Variants in ASB14 observed in about 807,000 individuals in gnomAD.
ASB14 encodes ankyrin repeat and SOCS box containing 14.
Under a neutral mutation model 55.6 loss-of-function variants are expected in ASB14, and 63 were observed. The observed-to-expected ratio is 1.13, with a 90% confidence interval of 0.92 to 1.40. The LOEUF is 1.40. Ranked by LOEUF, ASB14 falls within the 40% of genes most tolerant of loss-of-function variation. The probability of loss-of-function intolerance (pLI) is 0.00; values close to 1 mark genes in which losing one functional copy is unlikely to be tolerated. For missense variants in ASB14, 724 were observed against 710.4 expected (o/e 1.02, Z -0.22); for synonymous variants, 256 against 259.9 (o/e 0.98, Z 0.15).
At position 57,278,770 on chromosome 3, in the gene ASB14, C is replaced by T; in HGVS notation, c.1038G>A (p.Gln346=). 1.2e-6 allele frequency: 2 copies of T among 1,613,476 alleles called. No individual in the cohort carries two copies. The highest frequency in any genetic ancestry group is 1.7e-6 in the Non-Finnish European group (2 of 1,179,692). Residue 346 remains glutamine (Q), a synonymous_variant, in exon 8 of 11, where the codon CAG becomes CAA. Coordinates refer to ENST00000487349, the MANE Select transcript of ASB14 (RefSeq NM_001142733.3). ...AGFDVNFMLD[Q]RINKHYDDHR... ...GGTCATCGTAGTGTTTGTTAATTCT[C>T]TGATCCAGCATGAAGTTCACATCAA... is the stretch of plus-strand genomic sequence containing the variant.
Position 57,289,070 on chromosome 3 carries a change from TTC to T in ASB14, c.174_175del (p.Lys59ArgfsTer2), listed in dbSNP as rs772023558. 5.9e-6 allele frequency: 9 copies of T among 1,522,704 alleles called. No homozygotes were observed. In the South Asian group the frequency reaches 1.1e-4, roughly 18 times the overall value. The allele number at this position is 1,522,704 out of a possible 1,614,324, so 94.3% of individuals were successfully genotyped here. ...TTAAAGGGGATAGGAGTACTTAACT[TTC>T]TCTATTGTTTCAACTATCTTCTTAT... On this transcript the variant is annotated frameshift_variant, in exon 3 of 11. Coordinates refer to ENST00000487349, the MANE Select transcript of ASB14 (RefSeq NM_001142733.3). LOFTEE classifies it high-confidence loss of function.
chr3:57,269,739 G>A (rs1382663114), intron 10 of ASB14, 121 bp from the exon 11 acceptor site: 5 of 1,576,598 alleles, frequency 3.2e-6, no homozygotes, highest in Middle Eastern at 1.7e-4. Context: ...TTTCTATGGT[G>A]AAATGGCAGA....
chr3:57,280,465 C>T lies in ASB14; in HGVS notation c.724G>A (p.Ala242Thr), dbSNP rs1425418242. ...MEMLLRKGAN[A>T]HGQASDSSSI... is the part of the protein sequence containing the mutation. ...GAAGAATCAGAGGCCTGACCATGAG[C>T]ATTAGCTCCTAAGAGGAGAAAGACT... Residue 242 changes from alanine (A) to threonine (T), a missense_variant, in exon 7 of 11, where the codon GCT (alanine) becomes ACT (threonine). By Grantham distance (58) the Ala-to-Thr change is moderately conservative (BLOSUM62 0). Transcript: ENST00000487349. 7.1e-6 allele frequency: 11 copies of T among 1,550,184 alleles called. No homozygotes were observed. Among genetic ancestry groups the T allele is most frequent in the Non-Finnish European group, 9.6e-6 (11 of 1,145,940 alleles).
chr3:57,284,135 A>AAG (rs2061062308), intron 5 of ASB14, among the ~76,000 whole-genome samples: 1 of 66,706 alleles, frequency 1.5e-5, no homozygotes, highest in African/African-American at 5.6e-5. Flanking sequence ...TATGTATGTA[A>AAG]ATATATATAT....
chr3:57,291,805 G>A, intron 2 of ASB14, 107 bp downstream of exon 2: 1 of 948,284 alleles, frequency 1.1e-6, no homozygotes, highest in South Asian at 2.2e-5. Flanking sequence ...CAGCTCCTTG[G>A]ATTCTGACCC....
chr3:57,292,006 T>C lies in ASB14; in HGVS notation c.28A>G (p.Ile10Val), dbSNP rs984545084. ...AGCTGGGTGTCAAAGTCTTCATCTATGTCTTCATCGCTGGTGTAATTATCC... is the reference window on the plus strand; with the variant it reads ...AGCTGGGTGTCAAAGTCTTCATCTACGTCTTCATCGCTGGTGTAATTATCC... MDNYTSDED[I>V]DEDFDTQLII... Residue 10 changes from isoleucine to valine, a missense_variant, in exon 2 of 11, where the codon ATA becomes GTA. Transcript: ENST00000487349. 4 of 1,534,046 alleles carry C rather than the reference T, an allele frequency of 2.6e-6. No homozygotes were observed. The highest frequency in any genetic ancestry group is 1.7e-4 in the Middle Eastern group (1 of 5,974).
intron 2 of ASB14, among the ~76,000 whole-genome samples, chr3:57,289,684 A>ATTTT (rs1414516824): frequency 9.4e-6 from 1 of 106,156 alleles, no homozygotes; most frequent in African/African-American, 3.3e-5. Context: ...GTCACCTTCC[A>ATTTT]TTCTTTTTTT....
At chr3:57,270,688 T>G (rs1185590185) in intron 10 of ASB14, 1 of 152,604 alleles carries the variant, frequency 6.6e-6, no homozygotes, top group Non-Finnish European at 1.5e-5. Context: ...AGTATTTTCA[T>G]AATGCCATGT....
In ASB14 at chr3:57,292,014, T is replaced by A; in HGVS notation, c.20A>T (p.Asp7Val). The A allele has an allele frequency of 1.3e-6, 2 of 1,533,706 alleles. No homozygotes were observed. Among genetic ancestry groups the A allele is most frequent in the Non-Finnish European group, 8.7e-7 (1 of 1,143,744 alleles). The change falls in exon 2 of 11, where the codon GAT (aspartate) becomes GTT (valine). Residue 7 changes from aspartate (D) to valine (V), a missense_variant. Physicochemically the swap from Asp to Val is radical, Grantham distance 152 (BLOSUM62 -3). Transcript: ENST00000487349. MDNYTSDEDIDEDFDTQ... is the reference protein window; with the variant it reads MDNYTSVEDIDEDFDTQ... ...GTCAAAGTCTTCATCTATGTCTTCA[T>A]CGCTGGTGTAATTATCCATGTGAAA...
chr3:57,270,524 T>TCCATAGCA (rs1438787444), intron 10 of ASB14: 6 of 152,672 alleles, frequency 3.9e-5, no homozygotes, highest in Non-Finnish European at 7.3e-5. Flanking sequence ...AATGATACAT[T>TCCATAGCA]GTATTTTCTG....
intron 5 of ASB14, among the ~76,000 whole-genome samples, chr3:57,285,748 C>T: frequency 6.6e-6 from 1 of 152,140 alleles, no homozygotes; most frequent in East Asian, 1.9e-4. Flanking sequence ...TCATTCCTAG[C>T]CCACCATGGT....
chr3:57,280,163 CAA>C (rs138493152), intron 7 of ASB14, 137 bp downstream of exon 7: 3,096 of 213,838 alleles, frequency 0.014, no homozygotes, highest in Middle Eastern at 0.028. Flanking sequence ...GACAGCATCT[CAA>C]AAAAAAAAAA....
In ASB14 at chr3:57,278,871, TCTG is replaced by T. The variant is rs1346979645; in HGVS notation, c.934_936del (p.Gln312del). On this transcript the variant is annotated inframe_deletion, in exon 8 of 11. Coordinates refer to ENST00000487349, the MANE Select transcript of ASB14 (RefSeq NM_001142733.3). ...GCACAGTGAACTGGACTGATCCCACTCTGCTTAATGGCAGCAAGATCCGTAACT... is the reference window on the plus strand; with the variant it reads ...GCACAGTGAACTGGACTGATCCCACTCTTAATGGCAGCAAGATCCGTAACT... The T allele has an allele frequency of 1.9e-6, 3 of 1,613,710 alleles. No individual in the cohort carries two copies. In the East Asian group the frequency reaches 6.7e-5, roughly 36 times the overall value.
intron 2 of ASB14, among the ~76,000 whole-genome samples, chr3:57,290,984 C>T (rs930476429): frequency 6.6e-6 from 1 of 152,178 alleles, no homozygotes; most frequent in Non-Finnish European, 1.5e-5. Flanking sequence ...AGTTCTGTGA[C>T]CTTGGGTAAG....
intron 9 of ASB14, 33 bp downstream of exon 9, chr3:57,277,734 T>C: frequency 1.3e-6 from 2 of 1,562,090 alleles, no homozygotes; most frequent in Non-Finnish European, 1.7e-6. Flanking sequence ...TTAGTACTTT[T>C]GTAAAAAGTC....
intron 10 of ASB14, chr3:57,271,992 G>A (rs189112925): frequency 1.3e-5 from 2 of 152,306 alleles, no homozygotes; most frequent in Non-Finnish European, 2.9e-5. Flanking sequence ...ATGGGTTTCT[G>A]CCTAGTGGTA....
At chr3:57,276,814 CATTT>C (rs2060992604) in intron 9 of ASB14, 86 bp from the exon 10 acceptor site, 4 of 1,287,380 alleles carry the variant, frequency 3.1e-6, no homozygotes, top group Non-Finnish European at 4.3e-6. Context: ...TATTTGATAG[CATTT>C]CATTTGCTGT....
intron 6 of ASB14, among the ~76,000 whole-genome samples, chr3:57,282,378 T>A (rs1257032469): frequency 6.6e-6 from 1 of 152,196 alleles, no homozygotes; most frequent in Non-Finnish European, 1.5e-5. Flanking sequence ...TGGTAAAAAT[T>A]TGCTTTTTTG....
intron 10 of ASB14, chr3:57,272,908 A>AGTT (rs1269102289): frequency 8.5e-5 from 13 of 152,298 alleles, no homozygotes; most frequent in African/African-American, 3.1e-4. Context: ...CCTAAAATGA[A>AGTT]ATTATTAATG....
Sources: allele counts gnomAD v4.1 joint callset (sites outside exome capture counted in the v4.1 genomes callset), GRCh38; gene constraint gnomAD v4.1.1; transcripts MANE v1.5; gene names NCBI Gene and HGNC (gene_info 2026-07-23, HGNC 2026-07-21).